The following PRH1 variants were observed in gnomAD, a reference collection of about 807,000 sequenced individuals.
The protein encoded by PRH1 is proline rich protein HaeIII subfamily 1, also known as salivary acidic proline-rich phosphoprotein 1/2.
Under a neutral mutation model 7.9 loss-of-function variants are expected in PRH1, and 7 were observed. That is an observed-to-expected ratio of 0.89 (90% CI 0.50 to 1.67). The LOEUF is 1.67. Among genes scored for constraint, PRH1 ranks in the 40% most tolerant of loss-of-function variants. The pLI is 0.00. For missense variants in PRH1, 109 were observed against 223.6 expected (o/e 0.49, Z 3.27); for synonymous variants, 45 against 80.8 (o/e 0.56, Z 2.38).
At position 11,044,863 on chromosome 12, in the gene PRH1, T is replaced by A. The variant is rs1022818599; in HGVS notation, c.-126+2157A>T. ...CCATTCTACACCTCAGGTGGGAATA[T>A]AAATTAGTAAAACCACTATGGAAAA... is the stretch of plus-strand genomic sequence containing the variant. On this transcript the variant is annotated intron_variant, in intron 1 of 3. Transcript: ENST00000539853. Among the ~76,000 whole-genome samples the A allele has an allele frequency of 2.0e-4, 31 of 152,136 alleles. 1 individual carries two copies.
chr12:11,155,373 T>C (rs989510997), intron 1 of PRH1, among the ~76,000 whole-genome samples: 44 of 152,126 alleles, frequency 2.9e-4, no homozygotes, highest in Non-Finnish European at 1.3e-4. Context: ...CCAGAGAAGG[T>C]ACAGAAACCT....
intron 1 of PRH1, among the ~76,000 whole-genome samples, chr12:11,073,709 G>C (rs1439761741): frequency 6.6e-6 from 1 of 152,008 alleles, no homozygotes; most frequent in Non-Finnish European, 1.5e-5. Flanking sequence ...GCAGGTATAG[G>C]CTGTGGCCCA....
chr12:11,107,045 C>A (rs35641223), intron 1 of PRH1, among the ~76,000 whole-genome samples: 32,236 of 152,072 alleles, frequency 0.21, 4,018 homozygotes, highest in Non-Finnish European at 0.27. Context: ...GGGTCTTACT[C>A]GTCACCCAGG....
chr12:11,123,832 AT>A (rs1401588373), intron 1 of PRH1, among the ~76,000 whole-genome samples: 1 of 152,032 alleles, frequency 6.6e-6, no homozygotes, highest in Admixed American at 6.6e-5. Context: ...TTGATAATTC[AT>A]TTTTTAGTTT....
At chr12:11,096,968 T>G (rs1236510560) in intron 1 of PRH1, among the ~76,000 whole-genome samples, 3 of 113,510 alleles carry the variant, frequency 2.6e-5, no homozygotes, top group African/African-American at 8.9e-5. Context: ...CGGCTAATTT[T>G]TTCGTATTTT....
chr12:10,989,952 T>C (rs1347162750), intron 1 of PRH1, among the ~76,000 whole-genome samples: 1 of 152,206 alleles, frequency 6.6e-6, no homozygotes, highest in Non-Finnish European at 1.5e-5. Flanking sequence ...TTTTAATTGG[T>C]TTTAGTTATC....
At position 10,997,622 on chromosome 12, in the gene PRH1, G is replaced by C. The variant is rs193920802; in HGVS notation, c.-125-23901C>G. 2 of 1,613,710 alleles carry C rather than the reference G, an allele frequency of 1.2e-6. No individual in the cohort carries two copies. The highest frequency in any genetic ancestry group is 2.7e-5 in the African/African-American group (2 of 74,910). ...ATGATTGGTTACTGCCCAGGCATTAGAAATAAAAATTATTACTTTTAAATT... is the reference window on the plus strand; with the variant it reads ...ATGATTGGTTACTGCCCAGGCATTACAAATAAAAATTATTACTTTTAAATT... On this transcript the variant is annotated intron_variant, in intron 1 of 3. Transcript: ENST00000539853.
At chr12:11,031,664 G>C (rs1431087327) in intron 1 of PRH1, among the ~76,000 whole-genome samples, 3 of 151,942 alleles carry the variant, frequency 2.0e-5, no homozygotes, top group Non-Finnish European at 2.9e-5. Flanking sequence ...AATCCTCCCT[G>C]CCATTGGCTA....
intron 1 of PRH1, among the ~76,000 whole-genome samples, chr12:11,041,559 T>A (rs902070012): frequency 6.6e-6 from 1 of 152,180 alleles, no homozygotes; most frequent in Non-Finnish European, 1.5e-5. Context: ...ACTTTCAGCA[T>A]TGGACAGATC....
At chr12:11,156,269 C>G (rs952304276) in intron 1 of PRH1, among the ~76,000 whole-genome samples, 7 of 152,178 alleles carry the variant, frequency 4.6e-5, no homozygotes, top group African/African-American at 1.7e-4. Flanking sequence ...CATAATCTAT[C>G]TTTTTTCTCA....
intron 1 of PRH1, among the ~76,000 whole-genome samples, chr12:11,162,615 T>A (rs896733999): frequency 2.0e-5 from 3 of 152,160 alleles, no homozygotes; most frequent in Admixed American, 6.5e-5. Context: ...ATGAAGTCTG[T>A]GGCAGGTACT....
At chr12:10,941,583 TTTA>T (rs1265808106) in intron 2 of PRH1, among the ~76,000 whole-genome samples, 3 of 147,438 alleles carry the variant, frequency 2.0e-5, no homozygotes, top group Admixed American at 6.8e-5. Context: ...AAATTTATTA[TTTA>T]TTATTAAAAT....
intron 1 of PRH1, among the ~76,000 whole-genome samples, chr12:11,091,115 C>CATATATATATATATATATATATATAT (rs1555163213): frequency 5.6e-4 from 14 of 25,122 alleles, no homozygotes; most frequent in African/African-American, 1.0e-3. Flanking sequence ...CACACACACA[C>CATATATATATATATATATATATATAT]ATATATATAT....
At chr12:11,085,231 T>C (rs1044144078) in intron 1 of PRH1, among the ~76,000 whole-genome samples, 1 of 151,244 alleles carries the variant, frequency 6.6e-6, no homozygotes, top group Admixed American at 6.6e-5. Flanking sequence ...CCAATCATTA[T>C]GTCAAATGAC....
At chr12:11,128,370 G>A (rs1232400350) in intron 1 of PRH1, among the ~76,000 whole-genome samples, 3 of 46,618 alleles carry the variant, frequency 6.4e-5, no homozygotes, top group African/African-American at 1.8e-4. Flanking sequence ...GGAGTCAGAC[G>A]CCAGGTCAGG....
chr12:10,904,500 T>C (rs924816377), intron 2 of PRH1, among the ~76,000 whole-genome samples: 2 of 152,158 alleles, frequency 1.3e-5, no homozygotes, highest in Admixed American at 6.5e-5. Context: ...ACTGAACCTT[T>C]ACCTTTCACC....
intron 1 of PRH1, among the ~76,000 whole-genome samples, chr12:10,973,981 G>A (rs1388946974): frequency 1.3e-5 from 2 of 152,102 alleles, no homozygotes; most frequent in East Asian, 3.9e-4. Context: ...ACAAAGTGGG[G>A]GGATTACAGT....
intron 2 of PRH1, among the ~76,000 whole-genome samples, chr12:10,913,449 C>T (rs1003911653): frequency 3.6e-4 from 43 of 119,188 alleles, no homozygotes; most frequent in Non-Finnish European, 6.5e-4. Context: ...AGCGAGACTC[C>T]GTCTCAAAAA....
intron 2 of PRH1, chr12:10,929,312 C>T: frequency 6.2e-7 from 1 of 1,614,156 alleles, no homozygotes; most frequent in South Asian, 1.1e-5. Flanking sequence ...TGCTGGCCTT[C>T]AGCTCAGCTC....
Sources: allele counts gnomAD v4.1 joint callset (sites outside exome capture counted in the v4.1 genomes callset), GRCh38; gene constraint gnomAD v4.1.1; transcripts MANE v1.5; gene names NCBI Gene and HGNC (gene_info 2026-07-23, HGNC 2026-07-21).